PCDHGB1: variants seen among roughly 807,000 people sequenced by gnomAD.
The protein encoded by PCDHGB1 is protocadherin gamma subfamily B, 1.
In PCDHGB1, 34 loss-of-function variants were observed where a neutral mutation model predicts 56.6. The observed-to-expected ratio is 0.60, with a 90% CI of 0.46 to 0.80. The LOEUF is 0.80. Among genes scored for constraint, PCDHGB1 ranks in the 30% least tolerant of loss-of-function variants. PCDHGB1 has a pLI of 0.00. For missense variants in PCDHGB1, 1,278 were observed against 1,204.6 expected (o/e 1.06, Z -0.90); for synonymous variants, 561 against 505.9 (o/e 1.11, Z -1.46).
At chr5:141,467,699 T>A (rs1368755814) in intron 1 of PCDHGB1, among the ~76,000 whole-genome samples, 1 of 152,194 alleles carries the variant, frequency 6.6e-6, no homozygotes, top group Non-Finnish European at 1.5e-5. Context: ...TCTGGCTCTG[T>A]TGCCCAGGCT....
rs768648952 is a variant in PCDHGB1 at position 141,477,230 on chromosome 5, G to C, written c.2410-17577G>C. 6.2e-7 allele frequency: 1 copy of C among 1,614,046 alleles called. No homozygotes were observed. Among genetic ancestry groups the C allele is most frequent in the East Asian group, 2.2e-5 (1 of 44,890 alleles). ...GGATGCCCCTCTGGGGACTGTCATC[G>C]CTTTGCTCAGTGTGACTGACCTGGA... On this transcript the variant is annotated intron_variant, in intron 1 of 3. Transcript: ENST00000523390. The surrounding 1 kb of genome is among the most constrained non-coding windows in gnomAD (Gnocchi z 4.9).
chr5:141,428,658 T>C (rs932328483), intron 1 of PCDHGB1: 1 of 165,620 alleles, frequency 6.0e-6, no homozygotes, highest in Non-Finnish European at 1.3e-5. Context: ...TGAGTTCCAA[T>C]GAATGTCTTT....
chr5:141,355,162 G>A (rs1759735186), intron 1 of PCDHGB1: 1 of 1,562,626 alleles, frequency 6.4e-7, no homozygotes, highest in African/African-American at 1.4e-5. Flanking sequence ...CTCGACAGAG[G>A]GAAAACCGAA....
In PCDHGB1 at chr5:141,376,300, C is replaced by G. The variant is rs202008607; in HGVS notation, c.2409+23631C>G. 1.3e-4 allele frequency: 204 copies of G among 1,614,218 alleles called. 1 individual carries two copies. The Middle Eastern group carries it at 1.7e-3, about 13-fold the overall frequency. On this transcript the variant is annotated intron_variant, in intron 1 of 3. Coordinates refer to ENST00000523390, the MANE Select transcript of PCDHGB1 (RefSeq NM_018922.3). ...GCTTAGCGAGCATGCCCGGCTCGCA[C>G]TTTGTGGGCGTGGAAGGGGTTCGGG...
At chr5:141,471,114 T>A (rs1210058743) in intron 1 of PCDHGB1, among the ~76,000 whole-genome samples, 1 of 150,256 alleles carries the variant, frequency 6.7e-6, no homozygotes, top group Non-Finnish European at 1.5e-5. Context: ...AGTGGTGCGA[T>A]CTTACCTTCA....
At position 141,499,689 on chromosome 5, in the gene PCDHGB1, C is replaced by CTT. The variant is rs545067566; in HGVS notation, c.2468+4845_2468+4846dup. 4.8e-3 allele frequency among the ~76,000 whole-genome samples: 577 copies of CTT among 119,808 alleles called. 2 individuals carry two copies. Among genetic ancestry groups the CTT allele is most frequent in the Non-Finnish European group, 6.7e-3 (386 of 57,912 alleles). 78.6% of individuals were successfully genotyped at this position (119,808 alleles called of 152,430 possible). A position where few individuals can be genotyped will look rare whatever the true frequency, so the allele number is the denominator to read the frequency against. On this transcript the variant is annotated intron_variant, in intron 2 of 3. Coordinates refer to ENST00000523390, the MANE Select transcript of PCDHGB1 (RefSeq NM_018922.3). ...GGTCTCCACCATCTTTAACAGATGA[C>CTT]TTTTTTTTTTTTTTTTTTTTTTGGA...
chr5:141,366,906 C>A, intron 1 of PCDHGB1: 1 of 1,142,114 alleles, frequency 8.8e-7, no homozygotes, highest in South Asian at 1.7e-5. Context: ...ATGCTTTCTC[C>A]ATTTGTTTTC....
rs746913952 is a variant in PCDHGB1, at chr5:141,432,898, G to T, written c.2410-61909G>T. 2.5e-6 allele frequency: 4 copies of T among 1,614,174 alleles called. No individual in the cohort carries two copies. Among genetic ancestry groups the T allele is most frequent in the Admixed American group, 3.3e-5 (2 of 60,034 alleles). ...TGGCCTTCGTCATCTTGCTGCTGGC[G>T]CTCAGGCTGCGGCGCTGGCACAAGT... On this transcript the variant is annotated intron_variant, in intron 1 of 3. Coordinates refer to ENST00000523390, the MANE Select transcript of PCDHGB1 (RefSeq NM_018922.3). The surrounding 1 kb of genome is among the most constrained non-coding windows in gnomAD (Gnocchi z 6.0).
chr5:141,395,515 C>A, intron 1 of PCDHGB1: 1 of 407,332 alleles, frequency 2.5e-6, no homozygotes, highest in Non-Finnish European at 4.4e-6. Flanking sequence ...AGTAGCTACC[C>A]GTCCATACTG....
intron 1 of PCDHGB1, chr5:141,374,885 G>T: frequency 6.2e-7 from 1 of 1,613,628 alleles, no homozygotes; most frequent in South Asian, 1.1e-5. Flanking sequence ...GACTGCCACC[G>T]ACCAGGATGA....
At chr5:141,360,167 T>C in intron 1 of PCDHGB1, 1 of 1,607,632 alleles carries the variant, frequency 6.2e-7, no homozygotes, top group East Asian at 2.2e-5. Flanking sequence ...TGCGGGCTGG[T>C]GCGGTGGCTG....
At chr5:141,407,347 TG>T (rs1273387665) in intron 1 of PCDHGB1, among the ~76,000 whole-genome samples, 1 of 152,176 alleles carries the variant, frequency 6.6e-6, no homozygotes, top group Non-Finnish European at 1.5e-5. Flanking sequence ...TATGTTAATT[TG>T]GGGAAAACAT....
intron 1 of PCDHGB1, chr5:141,366,697 G>T (rs1220924698): frequency 1.2e-6 from 2 of 1,614,132 alleles, no homozygotes; most frequent in African/African-American, 2.7e-5. Flanking sequence ...AGAAAAGCGA[G>T]CCTCTTCTGA....
At chr5:141,469,111 T>TA (rs1275770294) in intron 1 of PCDHGB1, among the ~76,000 whole-genome samples, 1 of 151,476 alleles carries the variant, frequency 6.6e-6, no homozygotes, top group African/African-American at 2.4e-5. Context: ...AACCTGTCTC[T>TA]AAAAAAATTT....
intron 1 of PCDHGB1, chr5:141,423,068 A>T: frequency 6.2e-7 from 1 of 1,614,090 alleles, no homozygotes; most frequent in Non-Finnish European, 8.5e-7. Context: ...AAGGCCAGCG[A>T]GCCGGGACTC....
rs763743728 is a variant in PCDHGB1, at chr5:141,398,890, G to C, written c.2409+46221G>C. On this transcript the variant is annotated intron_variant, in intron 1 of 3. Coordinates refer to ENST00000523390, the MANE Select transcript of PCDHGB1 (RefSeq NM_018922.3). ...GTACAGAGTCAGCCTTCGGGAAAAC[G>C]TGCCACCAGGCACCACTGTGTTGCA... is the stretch of plus-strand genomic sequence containing the variant. 2.5e-6 allele frequency: 4 copies of C among 1,613,920 alleles called. No homozygotes were observed. The South Asian group carries it at 3.3e-5, about 13-fold the overall frequency.
chr5:141,355,915 G>C, intron 1 of PCDHGB1: 2 of 1,613,748 alleles, frequency 1.2e-6, no homozygotes, highest in Non-Finnish European at 1.7e-6. Flanking sequence ...CAACGATAAT[G>C]CTCCCGTGTT....
At position 141,379,889 on chromosome 5, in the gene PCDHGB1, C is replaced by CTTTTTTTTTTTTTTTTTTTTTTTTTT. The variant is rs70988800; in HGVS notation, c.2409+27225_2409+27250dup. On this transcript the variant is annotated intron_variant, in intron 1 of 3. Coordinates refer to ENST00000523390, the MANE Select transcript of PCDHGB1 (RefSeq NM_018922.3). ...CTTATTTTATGGTCTGTGAAAGCCT[C>CTTTTTTTTTTTTTTTTTTTTTTTTTT]TTTTTTTTTTTTTTTTTTTTTTTTT... Among the ~76,000 whole-genome samples the CTTTTTTTTTTTTTTTTTTTTTTTTTT allele has an allele frequency of 6.9e-4, 35 of 50,830 alleles. 8 individuals carry two copies. Among genetic ancestry groups the CTTTTTTTTTTTTTTTTTTTTTTTTTT allele is most frequent in the Non-Finnish European group, 8.9e-4 (23 of 25,880 alleles). The allele number at this position is 50,830 out of a possible 152,430, so 33.3% of individuals were successfully genotyped here. A position where few individuals can be genotyped will look rare whatever the true frequency, so the allele number is the denominator to read the frequency against.
chr5:141,351,673 C>A lies in PCDHGB1; in HGVS notation c.1413C>A (p.Ser471Arg). 3 of 1,614,004 alleles carry A rather than the reference C, an allele frequency of 1.9e-6. No homozygotes were observed. The highest frequency in any genetic ancestry group is 1.1e-5 in the South Asian group (1 of 91,088). ...NPPGASIAQV[S>R]ASDPDLGPNG... ...CTGGCGCCTCCATTGCACAAGTAAG[C>A]GCCTCCGACCCGGATTTGGGACCCA... Residue 471 changes from serine (S) to arginine (R), a missense_variant, in exon 1 of 4, where the codon AGC becomes AGA. Physicochemically the swap from Ser to Arg is moderately radical, Grantham distance 110 (BLOSUM62 -1). Coordinates refer to ENST00000523390, the MANE Select transcript of PCDHGB1 (RefSeq NM_018922.3).
Sources: allele counts gnomAD v4.1 joint callset (sites outside exome capture counted in the v4.1 genomes callset), GRCh38; gene constraint gnomAD v4.1.1; non-coding constraint Gnocchi (gnomAD v3.1); transcripts MANE v1.5; gene names NCBI Gene and HGNC (gene_info 2026-07-23, HGNC 2026-07-21).